Variants in SH3GL2 observed in about 807,000 individuals in gnomAD.
SH3GL2 encodes the protein endophilin-A1.
SH3GL2 carries 24 observed loss-of-function variants against 46.0 expected under a neutral mutation model. That is an observed-to-expected ratio of 0.52 (90% confidence interval 0.38 to 0.73). SH3GL2 has a LOEUF of 0.73. Among genes scored for constraint, SH3GL2 ranks in the 30% least tolerant of loss-of-function variants. SH3GL2 has a pLI of 0.00. For synonymous variants in SH3GL2, 196 were observed against 147.1 expected (o/e 1.33, Z -2.40); for missense variants, 413 against 424.2 (o/e 0.97, Z 0.23).
chr9:17,784,185 T>C (rs1823891506), intron 3 of SH3GL2, among the ~76,000 whole-genome samples: 1 of 152,130 alleles, frequency 6.6e-6, no homozygotes. Context: ...CTCCTTCTTA[T>C]GAAAATATAG....
Position 17,745,201 on chromosome 9 carries a change from G to T in SH3GL2, c.46-1865G>T, listed in dbSNP as rs138515238. On this transcript the variant is annotated intron_variant, in intron 1 of 8. Transcript: ENST00000380607. The stretch of plus-strand genomic sequence containing the variant: ...AATGATAAATTGAAAGTATGTGTCA[G>T]TGATACAAATTTAATAACCTTTCAC... Among the ~76,000 whole-genome samples, 966 of 152,268 alleles carry T rather than the reference G, an allele frequency of 6.3e-3. 4 individuals carry two copies. The highest frequency in any genetic ancestry group is 1.0e-2 in the Non-Finnish European group (680 of 68,028).
At chr9:17,640,801 A>G (rs1395568629) in intron 1 of SH3GL2, among the ~76,000 whole-genome samples, 1 of 152,232 alleles carries the variant, frequency 6.6e-6, no homozygotes, top group Non-Finnish European at 1.5e-5. Flanking sequence ...TGGAGACTGT[A>G]TTATACAGAT....
intron 1 of SH3GL2, among the ~76,000 whole-genome samples, chr9:17,691,478 C>T (rs1281329143): frequency 6.6e-6 from 1 of 152,000 alleles, no homozygotes; most frequent in Admixed American, 6.6e-5. Flanking sequence ...TTTGGGCGGC[C>T]TACAAACAAA....
intron 2 of SH3GL2, among the ~76,000 whole-genome samples, chr9:17,749,656 TG>T: frequency 6.6e-6 from 1 of 152,306 alleles, no homozygotes; most frequent in South Asian, 2.1e-4. Context: ...GTTTCTTAAA[TG>T]AGACTAAAAA....
chr9:17,733,260 A>G (rs527594472), intron 1 of SH3GL2, among the ~76,000 whole-genome samples: 1 of 151,588 alleles, frequency 6.6e-6, no homozygotes, highest in African/African-American at 2.4e-5. Context: ...CTTTTTTTAA[A>G]TTTTTTTTAT....
At chr9:17,608,315 AT>A (rs1182702922) in intron 1 of SH3GL2, among the ~76,000 whole-genome samples, 1 of 151,632 alleles carries the variant, frequency 6.6e-6, no homozygotes, top group East Asian at 1.9e-4. Context: ...ACCTGGCTAA[AT>A]TTTGTACTTT....
chr9:17,697,511 C>T (rs368197455), intron 1 of SH3GL2, among the ~76,000 whole-genome samples: 8 of 152,088 alleles, frequency 5.3e-5, no homozygotes, highest in Admixed American at 3.9e-4. Flanking sequence ...TGTGAGCCAC[C>T]GTGCCTGGCC....
chr9:17,791,375 G>A, intron 7 of SH3GL2, 41 bp downstream of exon 7: 4 of 1,273,414 alleles, frequency 3.1e-6, no homozygotes, highest in Non-Finnish European at 4.6e-6. Flanking sequence ...GCATTTTATT[G>A]CTATAAAATG....
chr9:17,781,532 C>T (rs1227792096), intron 3 of SH3GL2, among the ~76,000 whole-genome samples: 2 of 152,092 alleles, frequency 1.3e-5, no homozygotes, highest in Non-Finnish European at 2.9e-5. Flanking sequence ...TTGCTTTGTA[C>T]ATGTCTGTTA....
intron 1 of SH3GL2, among the ~76,000 whole-genome samples, chr9:17,600,213 G>A (rs1419030750): frequency 6.6e-6 from 1 of 152,110 alleles, no homozygotes; most frequent in African/African-American, 2.4e-5. Flanking sequence ...AAGCCTTCCT[G>A]GATGAACTGG....
intron 1 of SH3GL2, among the ~76,000 whole-genome samples, chr9:17,614,774 T>C (rs1049653694): frequency 1.3e-5 from 2 of 152,180 alleles, no homozygotes; most frequent in African/African-American, 2.4e-5. Flanking sequence ...GCTGTCCTTT[T>C]CTACCAAGTG....
chr9:17,590,657 T>G (rs2134546449), intron 1 of SH3GL2: 1 of 152,354 alleles, frequency 6.6e-6, no homozygotes, highest in South Asian at 2.1e-4. Flanking sequence ...CCCTATGTTC[T>G]AGACATGGAA....
chr9:17,695,911 CT>C (rs1316464908), intron 1 of SH3GL2, among the ~76,000 whole-genome samples: 6 of 151,958 alleles, frequency 3.9e-5, no homozygotes, highest in Non-Finnish European at 8.8e-5. Flanking sequence ...TCATAGAGGC[CT>C]TTTTATACTG....
chr9:17,645,421 T>C (rs1480292180), intron 1 of SH3GL2, among the ~76,000 whole-genome samples: 3 of 152,172 alleles, frequency 2.0e-5, no homozygotes, highest in Non-Finnish European at 4.4e-5. Flanking sequence ...ATTATGATGC[T>C]AGCTGGTTAT....
At chr9:17,712,014 G>A (rs1821637998) in intron 1 of SH3GL2, among the ~76,000 whole-genome samples, 1 of 151,772 alleles carries the variant, frequency 6.6e-6, no homozygotes, top group Non-Finnish European at 1.5e-5. Flanking sequence ...TCTGATAGGT[G>A]TGCAGTGGTA....
intron 1 of SH3GL2, chr9:17,589,291 G>A (rs1818434808): frequency 6.6e-6 from 1 of 152,210 alleles, no homozygotes; most frequent in African/African-American, 2.4e-5. Context: ...TCAGCCTCCA[G>A]AGTAGTGGGA....
At chr9:17,670,961 G>A (rs977170765) in intron 1 of SH3GL2, among the ~76,000 whole-genome samples, 1 of 152,168 alleles carries the variant, frequency 6.6e-6, no homozygotes, top group Non-Finnish European at 1.5e-5. Context: ...GAAGCACCAG[G>A]TGATGCTGAG....
intron 1 of SH3GL2, among the ~76,000 whole-genome samples, chr9:17,592,122 G>T (rs1818495136): frequency 6.6e-6 from 1 of 152,168 alleles, no homozygotes; most frequent in Admixed American, 6.6e-5. Context: ...AAGGCCTGAG[G>T]CCCCGGGGAG....
chr9:17,789,875 G>C (rs774731434), intron 6 of SH3GL2: 5 of 604,704 alleles, frequency 8.3e-6, no homozygotes, highest in Non-Finnish European at 1.0e-5. Flanking sequence ...AAACAGAATG[G>C]TTGTAAGGGT....
Sources: allele counts gnomAD v4.1 joint callset (sites outside exome capture counted in the v4.1 genomes callset), GRCh38; gene constraint gnomAD v4.1.1; transcripts MANE v1.5; gene names NCBI Gene and HGNC (gene_info 2026-07-23, HGNC 2026-07-21).